The following CDH23 variants were observed in gnomAD, a reference collection of about 807,000 sequenced individuals.
CDH23 encodes the protein cadherin-23.
CDH23 carries 189 observed loss-of-function variants against 317.1 expected under a neutral mutation model. That is an observed-to-expected ratio of 0.60 (90% CI 0.53 to 0.67). CDH23 has a LOEUF of 0.67. Ranked by LOEUF, CDH23 falls within the 30% of genes least tolerant of loss-of-function variation. The pLI, the probability that CDH23 is intolerant of heterozygous loss-of-function variation, is 0.00. For synonymous variants in CDH23, 1,839 were observed against 1,876.8 expected (o/e 0.98, Z 0.52); for missense variants, 4,401 against 4,592.4 (o/e 0.96, Z 1.20).
Position 71,751,247 on chromosome 10 carries a change from G to C in CDH23, c.4845+9326G>C. 1.2e-6 allele frequency: 2 copies of C among 1,607,826 alleles called. No individual in the cohort carries two copies. Among genetic ancestry groups the C allele is most frequent in the Middle Eastern group, 1.7e-4 (1 of 6,050 alleles). ...AGCCACAACAGCCCACTGTCCCCCA[G>C]CTGGGCTAGATGACCTCAAAGTTTG... On this transcript the variant is annotated intron_variant, in intron 38 of 69. Coordinates refer to ENST00000224721, the MANE Select transcript of CDH23 (RefSeq NM_022124.6). The surrounding 1 kb of genome is among the most constrained non-coding windows in gnomAD (Gnocchi z 4.9).
At chr10:71,741,134 T>C (rs1366421510) in intron 37 of CDH23, among the ~76,000 whole-genome samples, 184 bp downstream of exon 37, 1 of 152,228 alleles carries the variant, frequency 6.6e-6, no homozygotes, top group Non-Finnish European at 1.5e-5. Context: ...ATGCAGTATC[T>C]TTTTGGAGTA....
intron 6 of CDH23, among the ~76,000 whole-genome samples, chr10:71,523,815 G>A (rs1051733851): frequency 1.3e-5 from 2 of 152,154 alleles, no homozygotes; most frequent in African/African-American, 4.8e-5. Flanking sequence ...TGAAGCTGAC[G>A]ACCAGAAGCC....
Position 71,811,411 on chromosome 10 carries a change from G to T in CDH23, c.9174G>T (p.Leu3058=). The T allele has an allele frequency of 6.2e-7, 1 of 1,613,984 alleles. No individual in the cohort carries two copies. Among genetic ancestry groups the T allele is most frequent in the Non-Finnish European group, 8.5e-7 (1 of 1,179,890 alleles). Residue 3058 remains leucine (L), a synonymous_variant, in exon 63 of 70, where the codon CTG becomes CTT. Coordinates refer to ENST00000224721, the MANE Select transcript of CDH23 (RefSeq NM_022124.6). ...TGCAGCCTGCCATCTCTGTCCGGCTGCCGGATGACATGTCTGCCCTGCAGG... is the reference window on the plus strand; with the variant it reads ...TGCAGCCTGCCATCTCTGTCCGGCTTCCGGATGACATGTCTGCCCTGCAGG... ...LDVQPAISVR[L]PDDMSALQMA...
Position 71,618,575 on chromosome 10 carries a change from G to T in CDH23, c.1134+1182G>T, listed in dbSNP as rs531267084. Among the ~76,000 whole-genome samples the T allele has an allele frequency of 2.0e-5, 3 of 152,284 alleles. No individual in the cohort carries two copies. In the South Asian group the frequency reaches 6.2e-4, roughly 32 times the overall value. On this transcript the variant is annotated intron_variant, in intron 11 of 69. Coordinates refer to ENST00000224721, the MANE Select transcript of CDH23 (RefSeq NM_022124.6). ...ATTCCATTAGGTTTTCCAGCCTGAG[G>T]TGCTTCTCTTCGATTACTCCTTGCG...
At chr10:71,450,331 T>A (rs1036713544) in intron 3 of CDH23, among the ~76,000 whole-genome samples, 2 of 150,546 alleles carry the variant, frequency 1.3e-5, no homozygotes, top group Non-Finnish European at 3.0e-5. Flanking sequence ...AGTGGCACAA[T>A]CTTGGCTCAC....
rs373838930 is a variant in CDH23, at chr10:71,791,117, G to A, written c.6050-15G>A. ...TTTTCTGTGTGTTTCCCTGGCTGGC[G>A]GCACCGGGTGCCAGGTGTGGTGACC... On this transcript the variant is annotated splice_polypyrimidine_tract_variant and intron_variant, in intron 46 of 69. Transcript: ENST00000224721. The A allele has an allele frequency of 1.6e-5, 26 of 1,592,982 alleles. No homozygotes were observed. The highest frequency in any genetic ancestry group is 6.7e-5 in the African/African-American group (5 of 74,552).
At position 71,484,575 on chromosome 10, in the gene CDH23, CAGG is replaced by C. The variant is rs975885873; in HGVS notation, c.146-25503_146-25501del. Among the ~76,000 whole-genome samples, 352 of 152,112 alleles carry C rather than the reference CAGG, an allele frequency of 2.3e-3. 1 individual carries two copies. The highest frequency in any genetic ancestry group is 8.0e-3 in the African/African-American group (332 of 41,378). Reference sequence around the variant, plus strand: ...TTCAGCCGCGTGCAGGACTGAGAGTCAGGAGGTCAGAGCCCGGCCCTGCTCTGC... The same window carrying C: ...TTCAGCCGCGTGCAGGACTGAGAGTCAGGTCAGAGCCCGGCCCTGCTCTGC... On this transcript the variant is annotated intron_variant, in intron 3 of 69. Transcript: ENST00000224721.
rs533959354 is a variant in CDH23, at chr10:71,682,993, TC to T, written c.1986+422del. ...CTCTCTCTCTCTCTCTCTATCCTGC[TC>T]TTCCTTTTTTTCTTCCCTTTTCCAC... On this transcript the variant is annotated intron_variant, in intron 18 of 69. Transcript: ENST00000224721. 1.4e-4 allele frequency among the ~76,000 whole-genome samples: 21 copies of T among 152,344 alleles called. No homozygotes were observed. In the East Asian group the frequency reaches 4.1e-3, roughly 29 times the overall value.
At chr10:71,449,173 C>T (rs1423628907) in intron 3 of CDH23, among the ~76,000 whole-genome samples, 1 of 152,234 alleles carries the variant, frequency 6.6e-6, no homozygotes, top group African/African-American at 2.4e-5. Flanking sequence ...GGCTGTCCTA[C>T]AAGCCATGGG....
At chr10:71,702,967 C>T (rs1401242647) in intron 24 of CDH23, among the ~76,000 whole-genome samples, 1 of 152,190 alleles carries the variant, frequency 6.6e-6, no homozygotes, top group Non-Finnish European at 1.5e-5. Context: ...GGCCCAGGAC[C>T]TTGGACCTTC....
At chr10:71,704,767 G>A in intron 24 of CDH23, 144 bp from the exon 25 acceptor site, 1 of 686,254 alleles carries the variant, frequency 1.5e-6, no homozygotes. Context: ...TGGGGACAGT[G>A]GCCTGGCCTA....
chr10:71,475,910 A>G (rs1372220862), intron 3 of CDH23, among the ~76,000 whole-genome samples: 1 of 152,182 alleles, frequency 6.6e-6, no homozygotes, highest in African/African-American at 2.4e-5. Context: ...TCCATTTCCC[A>G]TCTGCCATGT....
At chr10:71,767,313 C>T (rs899459048) in intron 38 of CDH23, among the ~76,000 whole-genome samples, 1 of 152,192 alleles carries the variant, frequency 6.6e-6, no homozygotes, top group Non-Finnish European at 1.5e-5. Context: ...AGCCCACAGT[C>T]GCCAAGGCAA....
intron 3 of CDH23, among the ~76,000 whole-genome samples, chr10:71,464,806 C>T (rs1051304198): frequency 6.6e-6 from 1 of 152,198 alleles, no homozygotes; most frequent in South Asian, 2.1e-4. Flanking sequence ...ATACTAATGA[C>T]AGGAAAGTAA....
Position 71,807,760 on chromosome 10 carries a change from C to T in CDH23, c.8553C>T (p.Tyr2851=), listed in dbSNP as rs749589020. ...CACCACGCTTCACCAAGGCTGAGTA[C>T]ACTGCAGGTGCAGGGACTGGAGCCT... ...DQPPRFTKAE[Y]TAGVATDAKV... Residue 2851 remains tyrosine, a synonymous_variant, in exon 59 of 70, where the codon TAC becomes TAT. Coordinates refer to ENST00000224721, the MANE Select transcript of CDH23 (RefSeq NM_022124.6). 9 of 1,601,034 alleles carry T rather than the reference C, an allele frequency of 5.6e-6. 1 individual carries two copies. Among genetic ancestry groups the T allele is most frequent in the South Asian group, 3.4e-5 (3 of 89,258 alleles).
chr10:71,784,221 A>G, intron 41 of CDH23, 66 bp from the exon 42 acceptor site: 1 of 1,514,068 alleles, frequency 6.6e-7, no homozygotes, highest in Non-Finnish European at 8.9e-7. Flanking sequence ...AAGCAGAAGG[A>G]GTCCTGGGGT....
chr10:71,799,774 C>A, intron 52 of CDH23, 145 bp downstream of exon 52: 1 of 1,089,500 alleles, frequency 9.2e-7, no homozygotes, highest in Non-Finnish European at 1.3e-6. Context: ...GCCAAGTCAG[C>A]AAACCCTGTT....
intron 9 of CDH23, 71 bp from the exon 10 acceptor site, chr10:71,615,433 C>A (rs1306670601): frequency 2.1e-6 from 2 of 933,724 alleles, no homozygotes; most frequent in East Asian, 2.7e-5. Context: ...CAGCTCCATG[C>A]CCCCCTGCCC....
intron 38 of CDH23, among the ~76,000 whole-genome samples, chr10:71,767,598 T>C (rs376551686): frequency 7.2e-5 from 11 of 152,312 alleles, no homozygotes; most frequent in African/African-American, 2.4e-4. Flanking sequence ...GACTATGTTC[T>C]GTCTTTATCA....
Sources: gnomAD v4.1 joint callset for allele counts (sites outside exome capture counted in the v4.1 genomes callset) on GRCh38, gnomAD v4.1.1 for gene constraint, Gnocchi (gnomAD v3.1) non-coding constraint, MANE v1.5 for transcripts, NCBI Gene and HGNC (gene_info 2026-07-23, HGNC 2026-07-21) for gene names.